Variants in LARGE1 observed in about 807,000 individuals in gnomAD.
LARGE1 encodes the protein xylosyl- and glucuronyltransferase LARGE1.
Under a neutral mutation model 87.6 loss-of-function variants are expected in LARGE1, and 43 were observed. The ratio of observed to expected loss-of-function variants is 0.49; its 90% CI spans 0.38 to 0.63. The LOEUF (loss-of-function observed/expected upper bound fraction) is 0.63. LARGE1 is among the 30% of genes least tolerant of loss of function. The pLI, the probability that LARGE1 is intolerant of heterozygous loss-of-function variation, is 0.00. For synonymous variants in LARGE1, 434 were observed against 394.6 expected, an observed-to-expected ratio of 1.10 and a Z score of -1.18; for missense variants, 802 against 1,000.2, an observed-to-expected ratio of 0.80 and a Z score of 2.67.
In LARGE1 at chr22:33,716,652, G is replaced by A. The variant is rs191668202; in HGVS notation, c.106+44719C>T. 3.8e-3 allele frequency among the ~76,000 whole-genome samples: 572 copies of A among 152,182 alleles called. 7 individuals carry two copies. The highest frequency in any genetic ancestry group is 2.4e-3 in the Non-Finnish European group (166 of 68,002). On this transcript the variant is annotated intron_variant, in intron 2 of 14. Coordinates refer to ENST00000397394, the MANE Select transcript of LARGE1 (RefSeq NM_133642.5). ...CATTCAAGAGCAATCCACCTGCCTC[G>A]GCCTCCCCAAGCGCTGGGATTACAG...
chr22:33,197,725 A>G (rs1924151992), intron 11 of LARGE1, among the ~76,000 whole-genome samples: 1 of 152,258 alleles, frequency 6.6e-6, no homozygotes, highest in East Asian at 1.9e-4. Flanking sequence ...ATGAATCTAT[A>G]TATTCAATGC....
intron 11 of LARGE1, among the ~76,000 whole-genome samples, chr22:33,189,638 C>G (rs1382539205): frequency 1.3e-5 from 2 of 152,224 alleles, no homozygotes; most frequent in Non-Finnish European, 2.9e-5. Context: ...ATGAAGACTG[C>G]CACATGATTC....
chr22:33,819,113 C>T (rs766081820), intron 1 of LARGE1, among the ~76,000 whole-genome samples: 18 of 152,178 alleles, frequency 1.2e-4, no homozygotes, highest in Admixed American at 5.9e-4. Flanking sequence ...GATGGAGTGA[C>T]GTCACCAGCA....
chr22:33,465,729 A>C (rs2068580246), intron 6 of LARGE1, among the ~76,000 whole-genome samples: 1 of 152,178 alleles, frequency 6.6e-6, no homozygotes, highest in Admixed American at 6.6e-5. Flanking sequence ...GCACAGACAA[A>C]GTGCACTGCT....
At chr22:33,858,183 C>G (rs932823230) in intron 1 of LARGE1, among the ~76,000 whole-genome samples, 1 of 152,190 alleles carries the variant, frequency 6.6e-6, no homozygotes, top group Non-Finnish European at 1.5e-5. Flanking sequence ...AACGGCAAGC[C>G]TTTAGCCCGA....
intron 6 of LARGE1, among the ~76,000 whole-genome samples, chr22:33,492,811 C>T (rs1400809251): frequency 6.6e-6 from 1 of 152,120 alleles, no homozygotes; most frequent in Non-Finnish European, 1.5e-5. Context: ...AAATTACTTT[C>T]ATATGAAAGG....
At chr22:33,807,392 C>T (rs2086346435) in intron 1 of LARGE1, among the ~76,000 whole-genome samples, 1 of 152,146 alleles carries the variant, frequency 6.6e-6, no homozygotes, top group Non-Finnish European at 1.5e-5. Context: ...TTTTTAGGAT[C>T]ACAGCAAGAT....
intron 2 of LARGE1, among the ~76,000 whole-genome samples, chr22:33,687,357 C>T (rs907373172): frequency 6.6e-5 from 10 of 151,358 alleles, no homozygotes; most frequent in African/African-American, 2.4e-4. Context: ...CCATCCGATG[C>T]CTCAGTCTCC....
chr22:33,344,100 G>T (rs1939463420), intron 9 of LARGE1, among the ~76,000 whole-genome samples: 1 of 152,150 alleles, frequency 6.6e-6, no homozygotes, highest in Non-Finnish European at 1.5e-5. Context: ...CAGATTAAGG[G>T]TGGATTTGCC....
At chr22:33,490,792 CCCACAGGACTG>C (rs1430179967) in intron 6 of LARGE1, among the ~76,000 whole-genome samples, 5 of 152,338 alleles carry the variant, frequency 3.3e-5, no homozygotes, top group Admixed American at 3.3e-4. Context: ...GTCTGCAAAA[CCCACAGGACTG>C]ACACTTTAGT....
rs1019212578 is a variant in LARGE1, at chr22:33,324,304, C to A, written c.1288-8056G>T. 5.2e-5 allele frequency among the ~76,000 whole-genome samples: 7 copies of A among 134,498 alleles called. No homozygotes were observed. The South Asian group carries it at 1.6e-3, about 31-fold the overall frequency. 88.2% of individuals were successfully genotyped at this position (134,498 alleles called of 152,430 possible). On this transcript the variant is annotated intron_variant, in intron 10 of 14. Coordinates refer to ENST00000397394, the MANE Select transcript of LARGE1 (RefSeq NM_133642.5). ...AAGCCAAAAACAAACAACCCCCCCCCCAAAACAAACAACAAAAAAGCCAAA... is the reference window on the plus strand; with the variant it reads ...AAGCCAAAAACAAACAACCCCCCCCACAAAACAAACAACAAAAAAGCCAAA...
At chr22:33,640,317 TTTTAAG>T (rs1245939754) in intron 3 of LARGE1, among the ~76,000 whole-genome samples, 1 of 152,134 alleles carries the variant, frequency 6.6e-6, no homozygotes, top group African/African-American at 2.4e-5. Context: ...AGGCCAAGAC[TTTTAAG>T]TGCATCTATT....
intron 2 of LARGE1, among the ~76,000 whole-genome samples, chr22:33,688,629 G>A (rs193188955): frequency 2.0e-5 from 3 of 152,212 alleles, no homozygotes; most frequent in Admixed American, 2.0e-4. Flanking sequence ...GGGATTATAG[G>A]TGTGAGCCAC....
intron 2 of LARGE1, among the ~76,000 whole-genome samples, chr22:33,689,578 A>G (rs1465399434): frequency 6.6e-6 from 1 of 152,186 alleles, no homozygotes; most frequent in Non-Finnish European, 1.5e-5. Context: ...AATGACAGAA[A>G]GAAGAAGAGA....
intron 2 of LARGE1, among the ~76,000 whole-genome samples, chr22:33,665,530 G>C (rs2081244017): frequency 6.6e-6 from 1 of 152,206 alleles, no homozygotes; most frequent in Admixed American, 6.5e-5. Flanking sequence ...TTGGCGGGAT[G>C]AATGTCATAC....
At chr22:33,183,745 G>A (rs979146550) in intron 11 of LARGE1, among the ~76,000 whole-genome samples, 3 of 151,896 alleles carry the variant, frequency 2.0e-5, no homozygotes, top group African/African-American at 7.3e-5. Context: ...ACACAGAAAG[G>A]TGAGTACTGG....
At chr22:33,651,225 CAAA>C (rs71187275) in intron 2 of LARGE1, among the ~76,000 whole-genome samples, 1 of 56,572 alleles carries the variant, frequency 1.8e-5, no homozygotes, top group Non-Finnish European at 3.6e-5. Flanking sequence ...ACTAAAAATA[CAAA>C]AAAAAAAAAA....
chr22:33,180,361 A>G (rs1242087124), intron 11 of LARGE1, among the ~76,000 whole-genome samples: 1 of 152,230 alleles, frequency 6.6e-6, no homozygotes, highest in Non-Finnish European at 1.5e-5. Context: ...GCAAATCAAA[A>G]CCACGATTAG....
At chr22:33,239,535 CTTTTT>C (rs71187254) in intron 11 of LARGE1, among the ~76,000 whole-genome samples, 4 of 95,314 alleles carry the variant, frequency 4.2e-5, no homozygotes, top group Admixed American at 1.3e-4. Context: ...TTTTTCTTTT[CTTTTT>C]TTTTTTTTTT....
Sources: gnomAD v4.1 joint callset for allele counts (sites outside exome capture counted in the v4.1 genomes callset) on GRCh38, gnomAD v4.1.1 for gene constraint, MANE v1.5 for transcripts, NCBI Gene and HGNC (gene_info 2026-07-23, HGNC 2026-07-21) for gene names.